TM9SF4: variants seen among roughly 807,000 people sequenced by gnomAD.
TM9SF4 encodes transmembrane 9 superfamily member 4.
In TM9SF4, 26 loss-of-function variants were observed where a neutral mutation model predicts 90.4. The observed-to-expected ratio is 0.29, with a 90% CI of 0.21 to 0.40. The LOEUF (loss-of-function observed/expected upper bound fraction) is 0.40, where lower values mean the gene tolerates loss of function less well. Among genes scored for constraint, TM9SF4 ranks in the 10% least tolerant of loss-of-function variants. The pLI is 1.00. For missense variants in TM9SF4, 549 were observed against 834.8 expected (o/e 0.66, Z 4.22); for synonymous variants, 293 against 315.4 (o/e 0.93, Z 0.75).
At chr20:32,121,347 C>T (rs1390767315) in intron 1 of TM9SF4, among the ~76,000 whole-genome samples, 2 of 151,844 alleles carry the variant, frequency 1.3e-5, no homozygotes, top group Admixed American at 6.6e-5. Flanking sequence ...GAGGACCCTG[C>T]GGCCTTCTGC....
At chr20:32,140,461 G>T (rs1345189854) in intron 3 of TM9SF4, among the ~76,000 whole-genome samples, 1 of 152,174 alleles carries the variant, frequency 6.6e-6, no homozygotes, top group Non-Finnish European at 1.5e-5. Context: ...TAACAGTAAC[G>T]AGCTCATAGT....
chr20:32,163,268 A>ATATAT (rs1262014914), intron 17 of TM9SF4, among the ~76,000 whole-genome samples: 2 of 74,474 alleles, frequency 2.7e-5, no homozygotes, highest in Non-Finnish European at 4.9e-5. Context: ...AAAAAAAAAA[A>ATATAT]ATATATATAT....
At chr20:32,146,982 CTTTT>C (rs11476027) in intron 9 of TM9SF4, 127 bp downstream of exon 9, 741 of 582,462 alleles carry the variant, frequency 1.3e-3, no homozygotes, top group Admixed American at 1.7e-3. Context: ...GTTTAGTATA[CTTTT>C]TTTTTTTTTT....
intron 1 of TM9SF4, among the ~76,000 whole-genome samples, chr20:32,125,868 G>C (rs1217630855): frequency 6.6e-6 from 1 of 151,516 alleles, no homozygotes; most frequent in Admixed American, 6.6e-5. Context: ...TGGGGTTTTA[G>C]CATGTTGCCA....
chr20:32,131,950 AAACATATACAT>A (rs2122371445), intron 1 of TM9SF4, among the ~76,000 whole-genome samples: 1 of 152,340 alleles, frequency 6.6e-6, no homozygotes, highest in East Asian at 1.9e-4. Context: ...ATACGCAAAT[AAACATATACAT>A]ATAGTACATG....
At chr20:32,144,297 T>C (rs2046727815) in intron 6 of TM9SF4, among the ~76,000 whole-genome samples, 1 of 152,234 alleles carries the variant, frequency 6.6e-6, no homozygotes, top group Admixed American at 6.5e-5. Flanking sequence ...TTGGTGCTTA[T>C]TATATGTTGT....
chr20:32,142,128 TA>T (rs761897480), intron 5 of TM9SF4, among the ~76,000 whole-genome samples: 49 of 143,762 alleles, frequency 3.4e-4, no homozygotes, highest in Middle Eastern at 3.7e-3. Context: ...TAAAACAACA[TA>T]AAAAAAAAAA....
chr20:32,153,766 C>G (rs2046877421), intron 12 of TM9SF4, among the ~76,000 whole-genome samples: 1 of 152,082 alleles, frequency 6.6e-6, no homozygotes, highest in African/African-American at 2.4e-5. Flanking sequence ...AAGAAAAAGT[C>G]TCAACTGTAA....
intron 1 of TM9SF4, among the ~76,000 whole-genome samples, chr20:32,120,096 C>T (rs367964037): frequency 3.9e-5 from 6 of 152,234 alleles, no homozygotes; most frequent in Middle Eastern, 3.4e-3. Flanking sequence ...CCTCCAATTA[C>T]GTTTTTAAGG....
At chr20:32,152,430 TC>T (rs2046856567) in intron 12 of TM9SF4, among the ~76,000 whole-genome samples, 1 of 150,772 alleles carries the variant, frequency 6.6e-6, no homozygotes, top group African/African-American at 2.4e-5. Flanking sequence ...CCTATCCTCC[TC>T]CTTCCTCATG....
chr20:32,151,003 C>G (rs1198427131), intron 12 of TM9SF4, 128 bp downstream of exon 12: 4 of 1,121,790 alleles, frequency 3.6e-6, no homozygotes, highest in African/African-American at 1.5e-5. Flanking sequence ...CAAGACATAG[C>G]AGGAGCAGCA....
chr20:32,129,642 A>G (rs1341991971), intron 1 of TM9SF4, among the ~76,000 whole-genome samples: 11 of 144,824 alleles, frequency 7.6e-5, no homozygotes, highest in African/African-American at 2.8e-4. Flanking sequence ...TTTGTCGCCC[A>G]GGATGGAGTA....
At chr20:32,134,376 C>T (rs1051809248) in intron 2 of TM9SF4, among the ~76,000 whole-genome samples, 2 of 152,162 alleles carry the variant, frequency 1.3e-5, no homozygotes, top group Admixed American at 6.5e-5. Flanking sequence ...ATTGTTAAAA[C>T]AGACTTTTTG....
At chr20:32,123,159 A>G (rs2046353185) in intron 1 of TM9SF4, among the ~76,000 whole-genome samples, 1 of 71,128 alleles carries the variant, frequency 1.4e-5, no homozygotes, top group Admixed American at 1.9e-4. Flanking sequence ...GGAGACCATG[A>G]GGAGAGGGAG....
At chr20:32,148,695 G>A (rs2046798488) in intron 9 of TM9SF4, among the ~76,000 whole-genome samples, 2 of 143,582 alleles carry the variant, frequency 1.4e-5, no homozygotes, top group South Asian at 4.4e-4. Flanking sequence ...TTAAGAGACG[G>A]AGTCTTGCTC....
intron 2 of TM9SF4, among the ~76,000 whole-genome samples, chr20:32,134,809 A>T (rs898156670): frequency 1.3e-5 from 2 of 151,718 alleles, no homozygotes; most frequent in African/African-American, 4.8e-5. Flanking sequence ...AGTAGCTGGG[A>T]TTATAGGTGC....
chr20:32,122,217 A>C (rs1224956301), intron 1 of TM9SF4, among the ~76,000 whole-genome samples: 4 of 60,760 alleles, frequency 6.6e-5, no homozygotes, highest in Non-Finnish European at 1.0e-4. Flanking sequence ...TGATGCCCCC[A>C]CCTCCCTCCC....
At chr20:32,150,180 A>C (rs567630138) in intron 10 of TM9SF4, among the ~76,000 whole-genome samples, 1 of 152,368 alleles carries the variant, frequency 6.6e-6, no homozygotes, top group Non-Finnish European at 1.5e-5. Flanking sequence ...CTAGATTTAC[A>C]TCTCAGCCTC....
intron 1 of TM9SF4, among the ~76,000 whole-genome samples, chr20:32,111,098 T>C (rs866678812): frequency 9.2e-5 from 14 of 152,212 alleles, no homozygotes; most frequent in African/African-American, 3.4e-4. Flanking sequence ...CTTAGCTGAC[T>C]GAGAACTTAC....
Sources: allele counts gnomAD v4.1 joint callset (sites outside exome capture counted in the v4.1 genomes callset), GRCh38; gene constraint gnomAD v4.1.1; transcripts MANE v1.5; gene names NCBI Gene and HGNC (gene_info 2026-07-23, HGNC 2026-07-21).